The following JAZF1 variants were observed in gnomAD, a reference collection of about 807,000 sequenced individuals.
JAZF1 encodes juxtaposed with another zinc finger protein 1.
In JAZF1, 8 loss-of-function variants were observed where a neutral mutation model predicts 26.4. The ratio of observed to expected loss-of-function variants is 0.30; its 90% CI spans 0.18 to 0.55. The LOEUF (loss-of-function observed/expected upper bound fraction) is 0.55, where lower values mean the gene tolerates loss of function less well. Ranked by LOEUF, JAZF1 falls within the 20% of genes least tolerant of loss-of-function variation. JAZF1 has a pLI of 0.94. For synonymous variants in JAZF1, 126 were observed against 122.3 expected (o/e 1.03, Z -0.20); for missense variants, 199 against 322.0 (o/e 0.62, Z 2.92).
intron 1 of JAZF1, among the ~76,000 whole-genome samples, chr7:28,058,189 C>G (rs1425310514): frequency 6.6e-6 from 1 of 152,082 alleles, no homozygotes; most frequent in Non-Finnish European, 1.5e-5. Flanking sequence ...GCAGAAGGAC[C>G]AGTCAGAGTT....
At chr7:27,981,525 A>G (rs1785584653) in intron 2 of JAZF1, among the ~76,000 whole-genome samples, 1 of 152,222 alleles carries the variant, frequency 6.6e-6, no homozygotes, top group Non-Finnish European at 1.5e-5. Context: ...ATGGAAAAGT[A>G]GAGATGAATG....
chr7:28,118,794 C>A (rs200668986), intron 1 of JAZF1, among the ~76,000 whole-genome samples: 84 of 142,800 alleles, frequency 5.9e-4, no homozygotes, highest in Non-Finnish European at 1.0e-3. Flanking sequence ...ACACACACAA[C>A]ACACACACAC....
chr7:28,020,436 G>C (rs930496922), intron 1 of JAZF1: 1 of 375,630 alleles, frequency 2.7e-6, no homozygotes, highest in Non-Finnish European at 5.4e-6. Context: ...GGAAACAAAC[G>C]AGGAGAGCCA....
chr7:27,895,425 A>G lies in JAZF1; in HGVS notation c.189-9T>C. On this transcript the variant is annotated splice_polypyrimidine_tract_variant and intron_variant, in intron 2 of 4. Transcript: ENST00000283928. ...CAGCATCTGTCATGAATCTGAAACA[A>G]TAATGGAAGGTAAGGAACCTGGGCC... 4 of 1,583,708 alleles carry G rather than the reference A, an allele frequency of 2.5e-6. No individual in the cohort carries two copies. The highest frequency in any genetic ancestry group is 3.4e-6 in the Non-Finnish European group (4 of 1,164,244).
At chr7:27,917,310 C>T (rs1009165000) in intron 2 of JAZF1, among the ~76,000 whole-genome samples, 3 of 152,174 alleles carry the variant, frequency 2.0e-5, no homozygotes, top group Non-Finnish European at 2.9e-5. Flanking sequence ...CCTGTTCCAG[C>T]GTGCCTCTCC....
chr7:27,902,779 G>A (rs745330464), intron 2 of JAZF1, among the ~76,000 whole-genome samples: 2 of 152,186 alleles, frequency 1.3e-5, no homozygotes, highest in Middle Eastern at 3.2e-3. Context: ...CACTTTGGGA[G>A]GCCGAGATGG....
At chr7:28,146,016 T>G (rs1783022521) in intron 1 of JAZF1, among the ~76,000 whole-genome samples, 2 of 152,260 alleles carry the variant, frequency 1.3e-5, no homozygotes, top group South Asian at 4.1e-4. Flanking sequence ...CTACTCTTCC[T>G]AGAAGCCTTA....
intron 3 of JAZF1, among the ~76,000 whole-genome samples, chr7:27,865,448 T>A (rs992294207): frequency 6.6e-6 from 1 of 152,176 alleles, no homozygotes; most frequent in Admixed American, 6.5e-5. Context: ...TCACAGAAAA[T>A]GTAGTTCTTA....
chr7:28,019,528 T>C (rs1293494209), intron 1 of JAZF1, among the ~76,000 whole-genome samples: 1 of 152,126 alleles, frequency 6.6e-6, no homozygotes, highest in Non-Finnish European at 1.5e-5. Flanking sequence ...ACCGTGGCCC[T>C]TCCCCTCTGC....
chr7:28,102,047 A>G (rs113597329), intron 1 of JAZF1, among the ~76,000 whole-genome samples: 4,164 of 152,232 alleles, frequency 0.027, 170 homozygotes, highest in African/African-American at 0.093. Flanking sequence ...GGGGAGTGGT[A>G]CCACCCTGAG....
At chr7:28,112,324 T>A (rs1338226386) in intron 1 of JAZF1, among the ~76,000 whole-genome samples, 1 of 152,220 alleles carries the variant, frequency 6.6e-6, no homozygotes, top group Non-Finnish European at 1.5e-5. Flanking sequence ...AGACTCATTA[T>A]TCAAACCAGA....
intron 1 of JAZF1, among the ~76,000 whole-genome samples, chr7:28,019,841 C>T (rs1029813794): frequency 1.3e-5 from 2 of 151,970 alleles, no homozygotes; most frequent in Non-Finnish European, 2.9e-5. Context: ...ACAAACAGAC[C>T]GGACTCCAAA....
At chr7:28,118,761 TACACACACACACAC>T (rs10612400) in intron 1 of JAZF1, among the ~76,000 whole-genome samples, 3 of 148,686 alleles carry the variant, frequency 2.0e-5, no homozygotes, top group East Asian at 2.0e-4. Context: ...AAGAGAGTTT[TACACACACACACAC>T]ACACACACAC....
intron 1 of JAZF1, among the ~76,000 whole-genome samples, chr7:28,090,202 T>G (rs1398238766): frequency 6.6e-6 from 1 of 152,234 alleles, no homozygotes; most frequent in Admixed American, 6.5e-5. Context: ...CGGACTATAG[T>G]GAAGATTGGA....
At chr7:28,158,409 G>C (rs980339403) in intron 1 of JAZF1, among the ~76,000 whole-genome samples, 2 of 152,192 alleles carry the variant, frequency 1.3e-5, no homozygotes, top group Non-Finnish European at 2.9e-5. Flanking sequence ...GAGTGCTAAC[G>C]AAAGGGGAAG....
chr7:27,984,471 CAA>C (rs1204518191), intron 2 of JAZF1, among the ~76,000 whole-genome samples: 1 of 152,160 alleles, frequency 6.6e-6, no homozygotes, highest in Non-Finnish European at 1.5e-5. Flanking sequence ...TAGAGACCTA[CAA>C]AGAGACTTAG....
intron 4 of JAZF1, among the ~76,000 whole-genome samples, chr7:27,833,353 C>T (rs751712679): frequency 6.6e-6 from 1 of 152,196 alleles, no homozygotes; most frequent in African/African-American, 2.4e-5. Flanking sequence ...CTCAGCATGA[C>T]CAACAAAATA....
At chr7:28,131,802 C>T (rs1782798741) in intron 1 of JAZF1, among the ~76,000 whole-genome samples, 1 of 152,152 alleles carries the variant, frequency 6.6e-6, no homozygotes. Flanking sequence ...GTTACTTTGC[C>T]ATGGGCATTT....
At chr7:27,841,078 C>T in intron 3 of JAZF1, 1 of 510,830 alleles carries the variant, frequency 2.0e-6, no homozygotes, top group Non-Finnish European at 3.5e-6. Flanking sequence ...GAGACCAGGG[C>T]AAGGGCTTCC....
Sources: allele counts gnomAD v4.1 joint callset (sites outside exome capture counted in the v4.1 genomes callset), GRCh38; gene constraint gnomAD v4.1.1; transcripts MANE v1.5; gene names NCBI Gene and HGNC (gene_info 2026-07-23, HGNC 2026-07-21).